The following TANC2 variants were observed in gnomAD, a reference collection of about 807,000 sequenced individuals.
TANC2 encodes the protein tetratricopeptide repeat, ankyrin repeat and coiled-coil containing 2, also known as protein TANC2.
Under a neutral mutation model 210.5 loss-of-function variants are expected in TANC2, and 26 were observed. The ratio of observed to expected loss-of-function variants is 0.12; its 90% CI spans 0.09 to 0.17. TANC2 has a LOEUF of 0.17. TANC2 is among the 10% of genes least tolerant of loss of function. TANC2 has a pLI of 1.00. For missense variants in TANC2, 2,129 were observed against 2,608.9 expected (o/e 0.82, Z 4.01); for synonymous variants, 931 against 967.1 (o/e 0.96, Z 0.69).
At chr17:63,265,939 T>C (rs2043512517) in intron 8 of TANC2, among the ~76,000 whole-genome samples, 1 of 152,176 alleles carries the variant, frequency 6.6e-6, no homozygotes, top group African/African-American at 2.4e-5. Flanking sequence ...GTAATAAACT[T>C]TTAAAAAGAT....
At chr17:63,338,283 G>A (rs1172737642) in intron 11 of TANC2, among the ~76,000 whole-genome samples, 6 of 152,142 alleles carry the variant, frequency 3.9e-5, no homozygotes, top group African/African-American at 7.2e-5. Context: ...CACAGAAGGT[G>A]CAACTTCAGC....
chr17:63,342,327 T>C (rs1053476914), intron 12 of TANC2, among the ~76,000 whole-genome samples: 4 of 152,332 alleles, frequency 2.6e-5, no homozygotes, highest in Non-Finnish European at 5.9e-5. Context: ...TTGTATGTTA[T>C]TGAAATTAGG....
chr17:62,984,146 C>T (rs898241216), intron 1 of TANC2, among the ~76,000 whole-genome samples: 4 of 151,996 alleles, frequency 2.6e-5, no homozygotes, highest in African/African-American at 9.7e-5. Context: ...TTTCTGATTA[C>T]TGATTCAGTC....
At chr17:63,401,799 T>C (rs541419896) in intron 19 of TANC2, among the ~76,000 whole-genome samples, 2 of 152,160 alleles carry the variant, frequency 1.3e-5, no homozygotes, top group African/African-American at 2.4e-5. Flanking sequence ...CGCTGAGAGC[T>C]TCTAGCAACT....
chr17:63,313,201 A>C (rs1438768807), intron 9 of TANC2: 2 of 152,084 alleles, frequency 1.3e-5, no homozygotes, highest in Non-Finnish European at 2.9e-5. Context: ...TGAAAAATGG[A>C]GTTAGAGTGT....
intron 5 of TANC2, among the ~76,000 whole-genome samples, chr17:63,185,557 A>C (rs2040952749): frequency 6.6e-6 from 1 of 152,202 alleles, no homozygotes; most frequent in African/African-American, 2.4e-5. Context: ...TCCAAATTTG[A>C]AACCATACAT....
chr17:63,107,825 T>C (rs564087565), intron 4 of TANC2, among the ~76,000 whole-genome samples: 1 of 151,558 alleles, frequency 6.6e-6, no homozygotes, highest in Non-Finnish European at 1.5e-5. Flanking sequence ...TCACCAACGA[T>C]GGTATAGGTA....
intron 2 of TANC2, among the ~76,000 whole-genome samples, chr17:63,033,903 A>G (rs1257109025): frequency 3.9e-5 from 6 of 152,056 alleles, no homozygotes. Flanking sequence ...TTACTTTTTT[A>G]TTTTGGTGTT....
At chr17:63,033,749 A>C (rs1039384141) in intron 2 of TANC2, among the ~76,000 whole-genome samples, 4 of 152,098 alleles carry the variant, frequency 2.6e-5, no homozygotes, top group Admixed American at 6.6e-5. Context: ...ATGAAATGTG[A>C]AATTTGAGGT....
intron 13 of TANC2, among the ~76,000 whole-genome samples, chr17:63,353,953 G>A (rs1002985409): frequency 6.6e-6 from 1 of 151,638 alleles, no homozygotes; most frequent in Non-Finnish European, 1.5e-5. Context: ...ATGGAGGAGA[G>A]AATGGGAAGG....
chr17:63,105,911 A>G (rs536805681), intron 4 of TANC2, among the ~76,000 whole-genome samples: 2 of 151,808 alleles, frequency 1.3e-5, no homozygotes, highest in Admixed American at 6.5e-5. Context: ...CATGCATGGT[A>G]GTCTTAAGTT....
At chr17:63,046,142 T>TCATA (rs958185644) in intron 2 of TANC2, among the ~76,000 whole-genome samples, 1 of 151,792 alleles carries the variant, frequency 6.6e-6, no homozygotes, top group Non-Finnish European at 1.5e-5. Context: ...TATACAAAGG[T>TCATA]CATACTGTTA....
chr17:63,296,870 T>C lies in TANC2; in HGVS notation c.1160-17518T>C, dbSNP rs77314476. On this transcript the variant is annotated intron_variant, in intron 9 of 27. Transcript: ENST00000689528. The stretch of plus-strand genomic sequence containing the variant: ...GATAAACAGTTGGAATTATTCAGTC[T>C]AAAGAAGAGAAAGAAAAAAGAATAT... 1.5e-3 allele frequency among the ~76,000 whole-genome samples: 227 copies of C among 151,876 alleles called. 1 individual carries two copies. Among genetic ancestry groups the C allele is most frequent in the African/African-American group, 5.1e-3 (211 of 41,414 alleles).
At chr17:63,369,834 C>T (rs922180917) in intron 14 of TANC2, among the ~76,000 whole-genome samples, 2 of 152,052 alleles carry the variant, frequency 1.3e-5, no homozygotes, top group Non-Finnish European at 2.9e-5. Context: ...AACTTCTGGC[C>T]TCAAGTGATC....
intron 12 of TANC2, among the ~76,000 whole-genome samples, chr17:63,347,610 A>G (rs2046455766): frequency 6.6e-6 from 1 of 152,230 alleles, no homozygotes; most frequent in African/African-American, 2.4e-5. Context: ...TTGAAAAATG[A>G]GTCAGTATTT....
chr17:63,421,306 C>G lies in TANC2; in HGVS notation c.5576C>G (p.Ser1859Cys), dbSNP rs745771366. The stretch of plus-strand genomic sequence containing the variant: ...CCAACTCCCAGGCCGTTGCTGCATT[C>G]CCAAAGTGTAGGCCTTCGCTTCTCT... Residue 1859 changes from serine (S) to cysteine (C), a missense_variant, in exon 28 of 28, where the codon TCC (serine) becomes TGC (cysteine). Physicochemically the swap from Ser to Cys is moderately radical, Grantham distance 112. Around this residue, in one of 5 missense-constraint regions of TANC2, gnomAD observed 584 missense variants for 627.3 expected, o/e 0.93. Coordinates refer to ENST00000689528, the Ensembl canonical transcript of TANC2. The surrounding 1 kb of genome is among the most constrained non-coding windows in gnomAD (Gnocchi z 6.9). The G allele has an allele frequency of 8.1e-6, 13 of 1,613,928 alleles. No individual in the cohort carries two copies. Among genetic ancestry groups the G allele is most frequent in the African/African-American group, 2.7e-5 (2 of 74,934 alleles).
chr17:63,174,416 G>A (rs1043866864), intron 5 of TANC2, among the ~76,000 whole-genome samples: 4 of 152,162 alleles, frequency 2.6e-5, no homozygotes, highest in Admixed American at 6.5e-5. Context: ...CCCCCAAATT[G>A]TTGCTCCTAC....
chr17:63,272,764 G>A (rs2043751777), intron 9 of TANC2, among the ~76,000 whole-genome samples: 1 of 152,028 alleles, frequency 6.6e-6, no homozygotes, highest in African/African-American at 2.4e-5. Flanking sequence ...GGTAGTTAAT[G>A]CTTATATACA....
intron 27 of TANC2, among the ~76,000 whole-genome samples, chr17:63,419,206 TGATGGTGGTGGCA>T (rs1364067420): frequency 2.6e-5 from 4 of 152,114 alleles, no homozygotes; most frequent in Non-Finnish European, 5.9e-5. Flanking sequence ...TTGAGGCTAG[TGATGGTGGTGGCA>T]GTGATCGCAC....
Sources: allele counts gnomAD v4.1 joint callset (sites outside exome capture counted in the v4.1 genomes callset), GRCh38; gene constraint gnomAD v4.1.1; regional missense constraint gnomAD v4.1.1; non-coding constraint Gnocchi (gnomAD v3.1); transcripts MANE v1.5; gene names NCBI Gene and HGNC (gene_info 2026-07-23, HGNC 2026-07-21).